Variants in TEX11 observed in about 807,000 individuals in gnomAD.
TEX11 encodes testis expressed 11, also known as testis-expressed protein 11.
A neutral mutation model predicts 84.4 loss-of-function variants in TEX11; 7 were observed. That is an observed-to-expected ratio of 0.08 (90% CI 0.05 to 0.16). The LOEUF (loss-of-function observed/expected upper bound fraction) is 0.16, where lower values mean the gene tolerates loss of function less well. Among genes scored for constraint, TEX11 ranks in the 10% least tolerant of loss-of-function variants. The pLI is 1.00. For synonymous variants in TEX11, 264 were observed against 222.8 expected, an observed-to-expected ratio of 1.18 and a Z score of -1.64; for missense variants, 551 against 660.5, an observed-to-expected ratio of 0.83 and a Z score of 1.82.
At chrX:70,744,243 T>A (rs5027633) in intron 9 of TEX11, 24 bp from the exon 10 acceptor site, 41,854 of 200,733 alleles carry the variant, frequency 0.21, 1,595 homozygotes, top group East Asian at 0.33. Flanking sequence ...GGAAAAAAAA[T>A]ATATATATAT....
At chrX:70,822,575 G>A (rs1051686209) in intron 8 of TEX11, among the ~76,000 whole-genome samples, 2 of 110,524 alleles carry the variant, frequency 1.8e-5, no homozygotes, top group Non-Finnish European at 3.8e-5. Context: ...CACCCATATC[G>A]GCCTTAGTCA....
intron 9 of TEX11, among the ~76,000 whole-genome samples, chrX:70,777,160 G>A (rs1362155870): frequency 9.2e-6 from 1 of 108,332 alleles, no homozygotes; most frequent in African/African-American, 3.4e-5. Flanking sequence ...TTACAGCCAG[G>A]AGCCACCATG....
chrX:70,679,621 G>T (rs1447245748), intron 14 of TEX11, among the ~76,000 whole-genome samples: 2 of 106,879 alleles, frequency 1.9e-5, no homozygotes, highest in Non-Finnish European at 3.9e-5. Context: ...GAGCCCCTCC[G>T]CCCGGCAGCC....
the TEX11 span, among the ~76,000 whole-genome samples, chrX:70,519,740 T>G: frequency 1.8e-5 from 2 of 112,135 alleles, no homozygotes; most frequent in African/African-American, 6.5e-5. Context: ...TCCCCATCAC[T>G]TTCAGGTACA....
chrX:70,634,966 G>A (rs765551681), intron 17 of TEX11, among the ~76,000 whole-genome samples: 1 of 111,933 alleles, frequency 8.9e-6, no homozygotes, highest in South Asian at 3.7e-4. Context: ...TTAATAAAAA[G>A]AAAAAATTTG....
intron 25 of TEX11, among the ~76,000 whole-genome samples, chrX:70,559,427 A>G (rs920020241): frequency 6.2e-5 from 7 of 112,161 alleles, no homozygotes; most frequent in Non-Finnish European, 1.3e-4. Flanking sequence ...TGCAAGGGAA[A>G]CTAAAGGGTA....
chrX:70,612,068 G>T (rs1407275265), intron 20 of TEX11, among the ~76,000 whole-genome samples: 1 of 109,881 alleles, frequency 9.1e-6, no homozygotes, highest in Admixed American at 9.7e-5. Context: ...CTGGGTGGGG[G>T]TCAAGGCTAT....
At chrX:70,883,389 C>T (rs753305846) in intron 2 of TEX11, among the ~76,000 whole-genome samples, 12 of 111,223 alleles carry the variant, frequency 1.1e-4, no homozygotes, top group African/African-American at 9.8e-5. Flanking sequence ...TTCGAGACTA[C>T]CCTGGGCAAT....
chrX:70,571,830 T>G (rs1013388993), intron 25 of TEX11, among the ~76,000 whole-genome samples: 1 of 111,459 alleles, frequency 9.0e-6, no homozygotes, highest in Admixed American at 9.6e-5. Context: ...ATATAATCAG[T>G]TAGTGGTGGA....
intron 13 of TEX11, among the ~76,000 whole-genome samples, chrX:70,706,301 C>A (rs2090375026): frequency 2.1e-5 from 2 of 95,836 alleles, no homozygotes; most frequent in Admixed American, 2.5e-4. Context: ...CACACTGGGG[C>A]CTGTTGTGGG....
At chrX:70,710,092 C>T (rs1241265285) in intron 13 of TEX11, among the ~76,000 whole-genome samples, 15 of 110,127 alleles carry the variant, frequency 1.4e-4, no homozygotes, top group African/African-American at 4.6e-4. Context: ...CTGGAATAAA[C>T]AGTAACTGAT....
intron 13 of TEX11, among the ~76,000 whole-genome samples, chrX:70,683,262 C>T (rs1008320742): frequency 1.8e-5 from 2 of 111,999 alleles, no homozygotes. Context: ...AAACAGTTCA[C>T]GGGTTGGAAG....
At chrX:70,723,948 G>T in intron 12 of TEX11, 1 of 266,773 alleles carries the variant, frequency 3.7e-6, no homozygotes, top group Non-Finnish European at 5.2e-6. Flanking sequence ...ACTTGGATTT[G>T]GGTTAGCCTC....
chrX:70,737,117 T>C (rs2090701842), intron 11 of TEX11, among the ~76,000 whole-genome samples: 1 of 111,225 alleles, frequency 9.0e-6, no homozygotes, highest in Non-Finnish European at 1.9e-5. Flanking sequence ...TAACTGTATT[T>C]CGTATGCTCA....
At chrX:70,650,526 T>A (rs2089798548) in intron 17 of TEX11, among the ~76,000 whole-genome samples, 1 of 111,738 alleles carries the variant, frequency 8.9e-6, no homozygotes, top group Admixed American at 9.5e-5. Flanking sequence ...AAGTCTCTAA[T>A]GAAAACTTTG....
At position 70,821,016 on chromosome X, in the gene TEX11, C is replaced by G. The variant is rs140319866; in HGVS notation, c.606+12497G>C. Among the ~76,000 whole-genome samples, 858 of 111,710 alleles carry G rather than the reference C, an allele frequency of 7.7e-3. 7 individuals are homozygous for G. Among genetic ancestry groups the G allele is most frequent in the African/African-American group, 0.027 (825 of 30,763 alleles). ...AATAGACAAGTGGGATTGCATCAAA[C>G]TAAAATGCTTCTGCACAGCAAAGAA... On this transcript the variant is annotated intron_variant, in intron 8 of 29. Transcript: ENST00000374333.
At chrX:70,750,933 A>AAAAAATATATATATATATATATAT (rs1390175136) in intron 9 of TEX11, among the ~76,000 whole-genome samples, 2 of 28,198 alleles carry the variant, frequency 7.1e-5, no homozygotes, top group Non-Finnish European at 1.4e-4. Context: ...AAAAAAAAAA[A>AAAAAATATATATATATATATATAT]ATATATATAT....
At chrX:70,900,645 A>AAT (rs1470112830) in intron 2 of TEX11, among the ~76,000 whole-genome samples, 21 of 109,796 alleles carry the variant, frequency 1.9e-4, no homozygotes, top group African/African-American at 5.9e-4. Context: ...TTAAAATGAA[A>AAT]ATATATATAT....
chrX:70,687,474 T>TA (rs142415286), intron 13 of TEX11, among the ~76,000 whole-genome samples: 65 of 101,978 alleles, frequency 6.4e-4, no homozygotes, highest in East Asian at 1.2e-3. Context: ...CTTTTTAATC[T>TA]AAAAAAAAAA....
Sources: gnomAD v4.1 joint callset for allele counts (sites outside exome capture counted in the v4.1 genomes callset) on GRCh38, gnomAD v4.1.1 for gene constraint, MANE v1.5 for transcripts, NCBI Gene and HGNC (gene_info 2026-07-23, HGNC 2026-07-21) for gene names.